The following NCOR1 variants were observed in gnomAD, a reference collection of about 807,000 sequenced individuals.
The protein encoded by NCOR1 is nuclear receptor corepressor 1, also known as protein phosphatase 1, regulatory subunit 109.
A neutral mutation model predicts 288.1 loss-of-function variants in NCOR1; 63 were observed. That is an observed-to-expected ratio of 0.22 (90% CI 0.18 to 0.27). NCOR1 has a LOEUF of 0.27. NCOR1 is among the 10% of genes least tolerant of loss of function. The probability of loss-of-function intolerance (pLI) is 1.00; values close to 1 mark genes in which losing one functional copy is unlikely to be tolerated. For missense variants in NCOR1, 2,397 were observed against 3,019.2 expected (o/e 0.79, Z 4.83); for synonymous variants, 1,007 against 1,065.9 (o/e 0.94, Z 1.08).
intron 23 of NCOR1, among the ~76,000 whole-genome samples, chr17:16,083,782 G>C (rs1257561380): frequency 6.6e-6 from 1 of 151,962 alleles, no homozygotes; most frequent in Non-Finnish European, 1.5e-5. Context: ...TTTGCCTCTT[G>C]GGTGGTTTGT....
chr17:16,079,997 C>T lies in NCOR1; in HGVS notation c.3468G>A (p.Glu1156=). 1.2e-6 allele frequency: 2 copies of T among 1,614,080 alleles called. No homozygotes were observed. The highest frequency in any genetic ancestry group is 1.7e-6 in the Non-Finnish European group (2 of 1,179,980). Reference sequence around the variant, plus strand: ...TAGAGCCCCGTAGGGATGGAATGCTCTCCACTGAAATTTTGCTGGTTGGAG... The same window carrying T: ...TAGAGCCCCGTAGGGATGGAATGCTTTCCACTGAAATTTTGCTGGTTGGAG... ...RGTPTSKISV[E]SIPSLRGSIT... is the part of the protein sequence containing the mutation. The change falls in exon 26 of 46, where the codon GAG becomes GAA. Residue 1156 remains glutamate (E), a synonymous_variant. Coordinates refer to ENST00000268712, the MANE Select transcript of NCOR1 (RefSeq NM_006311.4).
intron 20 of NCOR1, among the ~76,000 whole-genome samples, chr17:16,100,970 T>G (rs2067514791): frequency 6.6e-6 from 1 of 152,238 alleles, no homozygotes; most frequent in Non-Finnish European, 1.5e-5. Flanking sequence ...CTGTGGTTTA[T>G]TCACAACTTT....
At chr17:16,148,343 C>T (rs554147773) in intron 9 of NCOR1, among the ~76,000 whole-genome samples, 121 of 152,202 alleles carry the variant, frequency 7.9e-4, no homozygotes, top group African/African-American at 2.7e-3. Context: ...TCCTATCTGC[C>T]TTAGGTGTCC....
At chr17:16,132,092 C>T (rs1416464809) in intron 14 of NCOR1, among the ~76,000 whole-genome samples, 2 of 152,148 alleles carry the variant, frequency 1.3e-5, no homozygotes, top group Non-Finnish European at 2.9e-5. Context: ...TCAGAAAATT[C>T]CTCCAATTTC....
intron 14 of NCOR1, among the ~76,000 whole-genome samples, chr17:16,136,170 T>C (rs929561327): frequency 6.6e-6 from 1 of 152,330 alleles, no homozygotes; most frequent in African/African-American, 2.4e-5. Flanking sequence ...TCTGGAAAAC[T>C]ACCTTTAGTA....
chr17:16,184,279 T>C (rs2086145393), intron 3 of NCOR1, among the ~76,000 whole-genome samples: 1 of 152,146 alleles, frequency 6.6e-6, no homozygotes, highest in Non-Finnish European at 1.5e-5. Flanking sequence ...GTCAGCAGCC[T>C]GTAGACACAG....
rs147306221 is a variant in NCOR1, at chr17:16,134,313, G to A, written c.1509+2998C>T. 4.7e-3 allele frequency among the ~76,000 whole-genome samples: 720 copies of A among 152,240 alleles called. 6 individuals carry two copies. Among genetic ancestry groups the A allele is most frequent in the Non-Finnish European group, 8.0e-3 (544 of 68,008 alleles). ...AACTCACACCTCTCCCAAATTCCCC[G>A]TGAAACAACCAGAGAAATGTAAAAT... is the stretch of plus-strand genomic sequence containing the variant. On this transcript the variant is annotated intron_variant, in intron 14 of 45. Coordinates refer to ENST00000268712, the MANE Select transcript of NCOR1 (RefSeq NM_006311.4).
At chr17:16,125,694 G>A (rs1295279391) in intron 15 of NCOR1, among the ~76,000 whole-genome samples, 1 of 105,884 alleles carries the variant, frequency 9.4e-6, no homozygotes, top group Non-Finnish European at 1.8e-5. Flanking sequence ...AGAGCGAGAC[G>A]CCATCACAAA....
chr17:16,087,079 TG>T, intron 22 of NCOR1: 1 of 934,948 alleles, frequency 1.1e-6, no homozygotes, highest in Non-Finnish European at 1.5e-6. Flanking sequence ...GGACACGTCC[TG>T]GAAGAGCAGT....
At position 16,061,519 on chromosome 17, in the gene NCOR1, G is replaced by C. The variant is rs2152595041; in HGVS notation, c.5763C>G (p.Thr1921=). The change falls in exon 37 of 46, where the codon ACC becomes ACG. Residue 1921 remains threonine (T), a synonymous_variant. Coordinates refer to ENST00000268712, the MANE Select transcript of NCOR1 (RefSeq NM_006311.4). ...CTGCAGTAATGGTAGTCTTCCCTCT[G>C]GTCCTTAGCTCTTCCTCATATCTGG... The part of the protein sequence containing the change: ...PKSRYEEELR[T]RGKTTITAAN... The C allele has an allele frequency of 6.2e-7, 1 of 1,614,162 alleles. No homozygotes were observed. Among genetic ancestry groups the C allele is most frequent in the Non-Finnish European group, 8.5e-7 (1 of 1,180,036 alleles).
chr17:16,087,121 A>T (rs2064363678), intron 22 of NCOR1: 1 of 1,245,600 alleles, frequency 8.0e-7, no homozygotes. Flanking sequence ...CCCACGTGGA[A>T]CATCTGTGGG....
intron 18 of NCOR1, 97 bp downstream of exon 18, chr17:16,117,791 T>C (rs2153119029): frequency 7.4e-7 from 1 of 1,348,290 alleles, no homozygotes; most frequent in Non-Finnish European, 1.0e-6. Context: ...TGCTGCACTC[T>C]AGCCTGGGTG....
intron 6 of NCOR1, among the ~76,000 whole-genome samples, chr17:16,155,890 A>G (rs780453862): frequency 6.6e-6 from 1 of 152,214 alleles, no homozygotes; most frequent in Non-Finnish European, 1.5e-5. Context: ...TGGGGAGTAC[A>G]TATCAGAAAG....
intron 5 of NCOR1, among the ~76,000 whole-genome samples, chr17:16,163,916 G>GT (rs367643366): frequency 3.9e-5 from 6 of 152,184 alleles, no homozygotes; most frequent in African/African-American, 7.2e-5. Flanking sequence ...ATATGATTCT[G>GT]TTTTTTCTGA....
intron 14 of NCOR1, among the ~76,000 whole-genome samples, chr17:16,127,695 A>G (rs973438795): frequency 7.1e-6 from 1 of 141,344 alleles, no homozygotes; most frequent in East Asian, 2.0e-4. Context: ...ATATATACAT[A>G]TATGTATATA....
Position 16,072,339 on chromosome 17 carries a change from A to T in NCOR1, c.3812-111T>A, listed in dbSNP as rs574684565. 21 of 714,086 alleles carry T rather than the reference A, an allele frequency of 2.9e-5. No homozygotes were observed. The South Asian group carries it at 5.0e-4, about 17-fold the overall frequency. The allele number at this position is 714,086 out of a possible 1,614,324, so 44.2% of individuals were successfully genotyped here. A position where few individuals can be genotyped will look rare whatever the true frequency, so the allele number is the denominator to read the frequency against. On this transcript the variant is annotated intron_variant, in intron 28 of 45. Transcript: ENST00000268712. ...TTTTTGATAAATGCTCTATGAAGGAAGGAATGTCAATTTAAGTTTGTGAAC... is the reference window on the plus strand; with the variant it reads ...TTTTTGATAAATGCTCTATGAAGGATGGAATGTCAATTTAAGTTTGTGAAC...
intron 2 of NCOR1, among the ~76,000 whole-genome samples, chr17:16,192,477 G>A (rs2088655391): frequency 6.6e-6 from 1 of 152,198 alleles, no homozygotes; most frequent in African/African-American, 2.4e-5. Flanking sequence ...CCAACATGGT[G>A]AAACGCCATC....
intron 21 of NCOR1, among the ~76,000 whole-genome samples, chr17:16,097,919 G>T (rs147590855): frequency 6.6e-6 from 1 of 152,164 alleles, no homozygotes; most frequent in Admixed American, 6.5e-5. Flanking sequence ...GTTGGTGTCC[G>T]AATTGAACTG....
intron 40 of NCOR1, chr17:16,056,887 T>G (rs1248296513): frequency 6.6e-6 from 1 of 151,602 alleles, no homozygotes; most frequent in Non-Finnish European, 1.5e-5. Context: ...TGTGTGTGTA[T>G]CTATACATAC....
Sources: allele counts gnomAD v4.1 joint callset (sites outside exome capture counted in the v4.1 genomes callset), GRCh38; gene constraint gnomAD v4.1.1; transcripts MANE v1.5; gene names NCBI Gene and HGNC (gene_info 2026-07-23, HGNC 2026-07-21).